Variants in DLD observed in about 807,000 individuals in gnomAD.
DLD encodes dihydrolipoyl dehydrogenase, mitochondrial.
In DLD, 36 loss-of-function variants were observed where a neutral mutation model predicts 62.2. The ratio of observed to expected loss-of-function variants is 0.58; its 90% CI spans 0.44 to 0.76. DLD has a LOEUF of 0.76. DLD is among the 30% of genes least tolerant of loss of function. DLD has a pLI of 0.00. For missense variants in DLD, 541 were observed against 608.6 expected, an observed-to-expected ratio of 0.89 and a Z score of 1.17; for synonymous variants, 204 against 199.6, an observed-to-expected ratio of 1.02 and a Z score of -0.19.
At chr7:107,918,408 T>G (rs1240063721) in intron 12 of DLD, among the ~76,000 whole-genome samples, 2 of 152,214 alleles carry the variant, frequency 1.3e-5, no homozygotes, top group African/African-American at 2.4e-5. Context: ...TGCTCTCTTT[T>G]ACTCATTAAT....
At chr7:107,914,315 T>C (rs1279567254) in intron 8 of DLD, among the ~76,000 whole-genome samples, 4 of 152,176 alleles carry the variant, frequency 2.6e-5, no homozygotes, top group South Asian at 4.1e-4. Flanking sequence ...GTAATTTTTT[T>C]CCCCAGTCTG....
At chr7:107,891,477 G>A (rs2031571997) in intron 1 of DLD, 188 bp downstream of exon 1, 1 of 676,438 alleles carries the variant, frequency 1.5e-6, no homozygotes. Flanking sequence ...TCCTGCAGCA[G>A]GCGAGGGACG....
chr7:107,899,232 C>G (rs996615646), intron 2 of DLD, among the ~76,000 whole-genome samples: 1 of 151,208 alleles, frequency 6.6e-6, no homozygotes, highest in Non-Finnish European at 1.5e-5. Context: ...TCTCAGTTGA[C>G]AGATCTTTAC....
intron 8 of DLD, 118 bp from the exon 9 acceptor site, chr7:107,915,387 TC>T: frequency 9.5e-7 from 1 of 1,053,494 alleles, no homozygotes; most frequent in Non-Finnish European, 1.4e-6. Context: ...CCTCGGAGCT[TC>T]TCATAGGAAC....
intron 2 of DLD, among the ~76,000 whole-genome samples, chr7:107,897,664 C>T (rs2031762125): frequency 6.7e-6 from 1 of 149,856 alleles, no homozygotes; most frequent in African/African-American, 2.5e-5. Context: ...CTGCAACTTC[C>T]ACCTCCCGGG....
chr7:107,917,186 C>T (rs758373419), intron 10 of DLD, 87 bp from the exon 11 acceptor site: 12 of 1,507,794 alleles, frequency 8.0e-6, no homozygotes, highest in Non-Finnish European at 1.1e-5. Flanking sequence ...GACTTGTTTA[C>T]TGGAAACTTT....
chr7:107,897,745 A>G (rs2116185979), intron 2 of DLD, among the ~76,000 whole-genome samples: 1 of 151,848 alleles, frequency 6.6e-6, no homozygotes, highest in South Asian at 2.1e-4. Context: ...TGCCCAGCTA[A>G]TTTTTGTATT....
At chr7:107,908,712 CT>C (rs548755769) in intron 8 of DLD, among the ~76,000 whole-genome samples, 60 of 150,848 alleles carry the variant, frequency 4.0e-4, no homozygotes, top group African/African-American at 1.4e-3. Flanking sequence ...TTTAAGTTAT[CT>C]TTTTAGTGAA....
At chr7:107,903,844 T>G (rs958431141) in intron 5 of DLD, 2 of 280,438 alleles carry the variant, frequency 7.1e-6, no homozygotes, top group African/African-American at 4.5e-5. Context: ...AGAGTCAGTT[T>G]TCATTTCCTA....
At chr7:107,911,298 A>G (rs2032133211) in intron 8 of DLD, among the ~76,000 whole-genome samples, 1 of 152,168 alleles carries the variant, frequency 6.6e-6, no homozygotes. Context: ...TGGTTCATCC[A>G]AGTTGTAGCA....
At position 107,917,666 on chromosome 7, in the gene DLD, A is replaced by G. The variant is rs79008145; in HGVS notation, c.1236+204A>G. 9.2e-3 allele frequency among the ~76,000 whole-genome samples: 1,405 copies of G among 152,350 alleles called. 18 individuals are homozygous for G. Among genetic ancestry groups the G allele is most frequent in the African/African-American group, 0.032 (1,320 of 41,580 alleles). ...TAATTGAGAGGAAGAGAAGTTGCCT[A>G]TATTAAAAAACTAGTAATTCCAGAT... On this transcript the variant is annotated intron_variant, in intron 11 of 13. Coordinates refer to ENST00000205402, the MANE Select transcript of DLD (RefSeq NM_000108.5).
intron 8 of DLD, among the ~76,000 whole-genome samples, chr7:107,907,926 C>T (rs1345213158): frequency 6.6e-6 from 1 of 152,188 alleles, no homozygotes; most frequent in Admixed American, 6.5e-5. Flanking sequence ...CAATAAATTG[C>T]TCTTAGGGCA....
intron 2 of DLD, among the ~76,000 whole-genome samples, chr7:107,897,574 CTTTTTTT>C (rs35546358): frequency 1.8e-5 from 2 of 111,352 alleles, no homozygotes; most frequent in Non-Finnish European, 3.6e-5. Context: ...TGTAGACTGA[CTTTTTTT>C]TTTTTTTTTT....
intron 5 of DLD, 124 bp downstream of exon 5, chr7:107,903,671 A>T: frequency 1.7e-6 from 1 of 574,584 alleles, no homozygotes. Context: ...TAAAATAAAT[A>T]ATCTAAAAAA....
At chr7:107,909,735 C>A (rs1225232735) in intron 8 of DLD, among the ~76,000 whole-genome samples, 1 of 151,926 alleles carries the variant, frequency 6.6e-6, no homozygotes, top group Non-Finnish European at 1.5e-5. Context: ...GGCATATTTG[C>A]CTGTCTGCCA....
chr7:107,894,498 A>C (rs2031668330), intron 2 of DLD, among the ~76,000 whole-genome samples: 1 of 152,212 alleles, frequency 6.6e-6, no homozygotes, highest in South Asian at 2.1e-4. Flanking sequence ...AATCCTTTTA[A>C]AAAAATGCTA....
chr7:107,899,246 A>G (rs1727838008), intron 2 of DLD, among the ~76,000 whole-genome samples: 2 of 151,152 alleles, frequency 1.3e-5, no homozygotes, highest in Non-Finnish European at 2.9e-5. Context: ...TCTTTACATA[A>G]AGAGTCTGCT....
At position 107,920,994 on chromosome 7, in the gene DLD, GTGAAGTGCTGT is replaced by G. The variant is rs546878115; in HGVS notation, c.*1737_*1747del. The stretch of plus-strand genomic sequence containing the variant: ...TAAAAATTTGAAATCCCGGTATCAT[GTGAAGTGCTGT>G]TTATGTAAATCTCAACATATCCCTT... On this transcript the variant is annotated 3_prime_UTR_variant, in exon 14 of 14. Coordinates refer to ENST00000205402, the MANE Select transcript of DLD (RefSeq NM_000108.5). 2 of 152,420 alleles carry G rather than the reference GTGAAGTGCTGT, an allele frequency of 1.3e-5. No homozygotes were observed. The highest frequency in any genetic ancestry group is 4.1e-4 in the South Asian group (2 of 4,832). 9.4% of individuals were successfully genotyped at this position (152,420 alleles called of 1,614,324 possible).
rs1031009890 is a variant in DLD at position 107,919,845 on chromosome 7, T to G, written c.*586T>G. Reference sequence around the variant, plus strand: ...AAGCTTCCATTGTTGTCTGCAACTCTGAAGGGTAATTATATAGTTACCCAA... The same window carrying G: ...AAGCTTCCATTGTTGTCTGCAACTCGGAAGGGTAATTATATAGTTACCCAA... On this transcript the variant is annotated 3_prime_UTR_variant, in exon 14 of 14. Transcript: ENST00000205402. 7 of 153,346 alleles carry G rather than the reference T, an allele frequency of 4.6e-5. No individual in the cohort carries two copies. The highest frequency in any genetic ancestry group is 1.0e-4 in the Non-Finnish European group (7 of 68,776). The allele number at this position is 153,346 out of a possible 1,614,324, so 9.5% of individuals were successfully genotyped here.
Sources: gnomAD v4.1 joint callset for allele counts (sites outside exome capture counted in the v4.1 genomes callset) on GRCh38, gnomAD v4.1.1 for gene constraint, MANE v1.5 for transcripts, NCBI Gene and HGNC (gene_info 2026-07-23, HGNC 2026-07-21) for gene names.